The following MAST4 variants were observed in gnomAD, a reference collection of about 807,000 sequenced individuals.
MAST4 encodes microtubule associated serine/threonine kinase family member 4.
In MAST4, 89 loss-of-function variants were observed where a neutral mutation model predicts 162.7. The ratio of observed to expected loss-of-function variants is 0.55; its 90% CI spans 0.46 to 0.65. MAST4 has a LOEUF of 0.65. Among genes scored for constraint, MAST4 ranks in the 30% least tolerant of loss-of-function variants. The pLI is 0.00. For missense variants in MAST4, 3,153 were observed against 3,374.0 expected, an observed-to-expected ratio of 0.93 and a Z score of 1.62; for synonymous variants, 1,479 against 1,361.1, an observed-to-expected ratio of 1.09 and a Z score of -1.91.
At chr5:66,819,712 G>T (rs975387097) in intron 3 of MAST4, among the ~76,000 whole-genome samples, 7 of 151,304 alleles carry the variant, frequency 4.6e-5, no homozygotes, top group South Asian at 2.1e-4. Context: ...TGTTTTTTTG[G>T]GGGGGAAGTT....
chr5:66,607,128 G>A (rs1742947942), intron 1 of MAST4, among the ~76,000 whole-genome samples: 1 of 152,138 alleles, frequency 6.6e-6, no homozygotes, highest in Non-Finnish European at 1.5e-5. Context: ...ACAAGGGCAG[G>A]TTTGAGGAGA....
At chr5:67,115,122 G>A (rs1039063079) in intron 12 of MAST4, 1 of 151,530 alleles carries the variant, frequency 6.6e-6, no homozygotes, top group African/African-American at 2.4e-5. Context: ...ACAGAGAATA[G>A]GAAGCATCTT....
rs748049779 is a variant in MAST4, at chr5:67,004,954, ATAT to A, written c.675-49449_675-49447del. 1.2e-4 allele frequency: 88 copies of A among 742,040 alleles called. 1 individual carries two copies. The African/African-American group carries it at 1.4e-3, about 12-fold the overall frequency. The allele number at this position is 742,040 out of a possible 1,614,324, so 46.0% of individuals were successfully genotyped here. On this transcript the variant is annotated intron_variant, in intron 4 of 28. Transcript: ENST00000403625. ...TTTTTTACCTCTCCCCATTTTAGTC[ATAT>A]GGCCTTGAACCCACAGTGAATTGAA...
chr5:67,004,047 C>T (rs1444052914), intron 4 of MAST4: 1 of 152,280 alleles, frequency 6.6e-6, no homozygotes, highest in Admixed American at 6.5e-5. Flanking sequence ...CCATCCCTCC[C>T]GCGGTGAATC....
At chr5:66,845,120 T>TAC (rs1335491185) in intron 3 of MAST4, among the ~76,000 whole-genome samples, 19 of 125,200 alleles carry the variant, frequency 1.5e-4, no homozygotes, top group African/African-American at 5.6e-4. Flanking sequence ...TATATATATA[T>TAC]ATATATACAC....
intron 1 of MAST4, among the ~76,000 whole-genome samples, chr5:66,618,722 G>C (rs989793979): frequency 6.6e-6 from 1 of 152,288 alleles, no homozygotes; most frequent in African/African-American, 2.4e-5. Context: ...GCTATTAAAA[G>C]TGTTACTCCC....
At chr5:66,614,612 G>A (rs186830530) in intron 1 of MAST4, among the ~76,000 whole-genome samples, 37 of 152,318 alleles carry the variant, frequency 2.4e-4, no homozygotes, top group East Asian at 1.2e-3. Context: ...TGTTGCAGAA[G>A]AGAAGACCAT....
chr5:66,692,984 ATT>A (rs10711722), intron 1 of MAST4, among the ~76,000 whole-genome samples: 1,959 of 133,060 alleles, frequency 0.015, 8 homozygotes, highest in Middle Eastern at 0.031. Flanking sequence ...TAAAGTTTGT[ATT>A]TTTTTTTTTT....
At position 67,142,487 on chromosome 5, in the gene MAST4, A is replaced by G. The variant is rs367759530; in HGVS notation, c.2684A>G (p.Asn895Ser). The change falls in exon 21 of 29, where the codon AAT (asparagine) becomes AGT (serine). Residue 895 changes from asparagine to serine, a missense_variant. Asn to Ser is a conservative substitution (Grantham distance 46, BLOSUM62 1). This residue lies in a region of MAST4 where 619 missense variants were observed against 744.2 expected (regional missense o/e 0.83). Coordinates refer to ENST00000403625, the MANE Select transcript of MAST4 (RefSeq NM_001164664.2). ...GATGACACAAATGATGAAGACTTTA[A>G]TGTGGAAATAAGGCAGTTTTCTTCA... ...EEDDTNDEDFNVEIRQFSSCS... is the reference protein window; with the variant it reads ...EEDDTNDEDFSVEIRQFSSCS... 6.9e-6 allele frequency: 11 copies of G among 1,597,488 alleles called. No individual in the cohort carries two copies. In the African/African-American group the frequency reaches 1.3e-4, roughly 19 times the overall value.
chr5:66,985,156 C>A (rs1749336972), intron 4 of MAST4, among the ~76,000 whole-genome samples: 1 of 152,082 alleles, frequency 6.6e-6, no homozygotes, highest in African/African-American at 2.4e-5. Context: ...GGAGGAAGAC[C>A]AGCCAGGTGA....
chr5:66,814,197 T>A (rs372602277), intron 3 of MAST4, among the ~76,000 whole-genome samples: 16 of 152,334 alleles, frequency 1.1e-4, no homozygotes, highest in East Asian at 7.7e-4. Flanking sequence ...TAACAAATTA[T>A]GAAATCAGAA....
chr5:67,061,034 C>G (rs1759512418), intron 5 of MAST4, among the ~76,000 whole-genome samples: 1 of 152,126 alleles, frequency 6.6e-6, no homozygotes, highest in Admixed American at 6.5e-5. Context: ...AACAGTAAAG[C>G]TAATAGTTTG....
chr5:66,636,279 G>A lies in MAST4; in HGVS notation c.363+39261G>A, dbSNP rs571243223. ...CCAAATATAGACCTTTTAATCAGAAGATGCACCCTTGACTTCTGATGCTTA... is the reference window on the plus strand; with the variant it reads ...CCAAATATAGACCTTTTAATCAGAAAATGCACCCTTGACTTCTGATGCTTA... On this transcript the variant is annotated intron_variant, in intron 1 of 28. Transcript: ENST00000403625. Among the ~76,000 whole-genome samples, 22 of 152,168 alleles carry A rather than the reference G, an allele frequency of 1.4e-4. No homozygotes were observed. In the South Asian group the frequency reaches 3.1e-3, roughly 22 times the overall value.
At chr5:67,027,526 AG>A (rs1249796157) in intron 4 of MAST4, among the ~76,000 whole-genome samples, 2 of 152,242 alleles carry the variant, frequency 1.3e-5, no homozygotes, top group African/African-American at 4.8e-5. Context: ...TTCTAACCAT[AG>A]AACTGCATCA....
At chr5:66,813,929 G>C (rs1022359319) in intron 3 of MAST4, among the ~76,000 whole-genome samples, 5 of 152,186 alleles carry the variant, frequency 3.3e-5, no homozygotes, top group African/African-American at 1.2e-4. Flanking sequence ...AAGGTTACTG[G>C]GAACATGAGA....
intron 1 of MAST4, among the ~76,000 whole-genome samples, chr5:66,643,643 C>T (rs1383561640): frequency 6.6e-6 from 1 of 152,076 alleles, no homozygotes; most frequent in African/African-American, 2.4e-5. Flanking sequence ...TTTTCTATGC[C>T]AGATTTTCCC....
At chr5:67,003,451 G>A (rs989693920) in intron 4 of MAST4, among the ~76,000 whole-genome samples, 3 of 152,026 alleles carry the variant, frequency 2.0e-5, no homozygotes, top group Non-Finnish European at 4.4e-5. Context: ...TGTTTACCCC[G>A]CCTACCTTGT....
chr5:66,966,376 A>G (rs954747766), intron 4 of MAST4, among the ~76,000 whole-genome samples: 2 of 152,260 alleles, frequency 1.3e-5, no homozygotes, highest in African/African-American at 4.8e-5. Context: ...TGAATAAGAA[A>G]TAGAAGATGT....
At chr5:66,635,107 A>G (rs1034865424) in intron 1 of MAST4, among the ~76,000 whole-genome samples, 3 of 152,156 alleles carry the variant, frequency 2.0e-5, no homozygotes, top group African/African-American at 7.2e-5. Context: ...CCTAGGTTAT[A>G]CCACACACCT....
Sources: gnomAD v4.1 joint callset for allele counts (sites outside exome capture counted in the v4.1 genomes callset) on GRCh38, gnomAD v4.1.1 for gene constraint, gnomAD v4.1.1 regional missense constraint, MANE v1.5 for transcripts, NCBI Gene and HGNC (gene_info 2026-07-23, HGNC 2026-07-21) for gene names.